The following TTC7B variants were observed in gnomAD, a reference collection of about 807,000 sequenced individuals.
The protein encoded by TTC7B is tetratricopeptide repeat protein 7B.
In TTC7B, 28 loss-of-function variants were observed where a neutral mutation model predicts 106.8. The ratio of observed to expected loss-of-function variants is 0.26; its 90% CI spans 0.19 to 0.36. The LOEUF is 0.36. Ranked by LOEUF, TTC7B falls within the 10% of genes least tolerant of loss-of-function variation. The pLI is 1.00. For missense variants in TTC7B, 862 were observed against 1,076.4 expected, an observed-to-expected ratio of 0.80 and a Z score of 2.79; for synonymous variants, 405 against 430.6, an observed-to-expected ratio of 0.94 and a Z score of 0.74.
rs1886920103 is a variant in TTC7B at position 90,678,307 on chromosome 14, CAATTCTA to C, written c.1015-1654_1015-1648del. The stretch of plus-strand genomic sequence containing the variant: ...TTTGATTTGTAGTTAGAAAACAGCA[CAATTCTA>C]AATGATACCTTGTAGGTGGAGAAGC... On this transcript the variant is annotated intron_variant, in intron 8 of 19. Transcript: ENST00000328459. 1.1e-4 allele frequency among the ~76,000 whole-genome samples: 17 copies of C among 152,282 alleles called. No homozygotes were observed. The South Asian group carries it at 3.5e-3, about 32-fold the overall frequency.
chr14:90,540,116 C>G lies in TTC7B; in HGVS notation c.*1252G>C, dbSNP rs1889522644. On this transcript the variant is annotated 3_prime_UTR_variant, in exon 20 of 20. Coordinates refer to ENST00000328459, the MANE Select transcript of TTC7B (RefSeq NM_001010854.2). ...TGAGGACGCAGGAAACACGTCCCTA[C>G]CTAGGGATCATCTTCAAATTATAAG... 1 of 152,224 alleles carries G rather than the reference C, an allele frequency of 6.6e-6. No homozygotes were observed. Among genetic ancestry groups the G allele is most frequent in the Non-Finnish European group, 1.5e-5 (1 of 68,054 alleles). The allele number at this position is 152,224 out of a possible 1,614,324, so 9.4% of individuals were successfully genotyped here. A position where few individuals can be genotyped will look rare whatever the true frequency, so the allele number is the denominator to read the frequency against.
At chr14:90,691,257 T>C (rs1481472033) in intron 6 of TTC7B, among the ~76,000 whole-genome samples, 1 of 152,202 alleles carries the variant, frequency 6.6e-6, no homozygotes, top group African/African-American at 2.4e-5. Context: ...TGTAAAAATT[T>C]CTGCCCTAAA....
chr14:90,767,443 G>A (rs763748063), intron 3 of TTC7B, among the ~76,000 whole-genome samples: 3 of 152,132 alleles, frequency 2.0e-5, no homozygotes, highest in Non-Finnish European at 4.4e-5. Context: ...CCTAATGAGA[G>A]GTGACCATAC....
At chr14:90,776,263 G>C (rs1390358799) in intron 3 of TTC7B, among the ~76,000 whole-genome samples, 2 of 151,996 alleles carry the variant, frequency 1.3e-5, no homozygotes, top group African/African-American at 4.8e-5. Flanking sequence ...GCCTGCATCA[G>C]GAAAAAGCAG....
chr14:90,751,507 C>T (rs1387978923), intron 3 of TTC7B, among the ~76,000 whole-genome samples: 3 of 152,194 alleles, frequency 2.0e-5, no homozygotes, highest in Non-Finnish European at 2.9e-5. Flanking sequence ...GCAATCCTCC[C>T]GCCTCAGCCT....
intron 9 of TTC7B, among the ~76,000 whole-genome samples, chr14:90,673,945 G>A (rs564551769): frequency 5.3e-5 from 8 of 152,290 alleles, no homozygotes; most frequent in African/African-American, 1.9e-4. Context: ...GTGAGGAATG[G>A]AGAGTGGCTG....
intron 9 of TTC7B, among the ~76,000 whole-genome samples, chr14:90,674,182 A>T (rs183574174): frequency 2.0e-5 from 3 of 152,356 alleles, no homozygotes; most frequent in East Asian, 3.9e-4. Context: ...AAGTGGATTC[A>T]GAAAAACCCC....
intron 3 of TTC7B, among the ~76,000 whole-genome samples, chr14:90,770,499 A>C (rs970209132): frequency 6.6e-6 from 1 of 152,204 alleles, no homozygotes; most frequent in Non-Finnish European, 1.5e-5. Context: ...CCTACTAAAA[A>C]TACAAAATTA....
intron 8 of TTC7B, among the ~76,000 whole-genome samples, chr14:90,678,333 G>C (rs1312203870): frequency 6.6e-6 from 1 of 152,212 alleles, no homozygotes; most frequent in Non-Finnish European, 1.5e-5. Context: ...CTTGTAGGTG[G>C]AGAAGCGACG....
chr14:90,557,666 G>T (rs1362140829), intron 19 of TTC7B, among the ~76,000 whole-genome samples: 3 of 152,244 alleles, frequency 2.0e-5, no homozygotes, highest in African/African-American at 4.8e-5. Context: ...GCTCAAACAA[G>T]ATGGCAGCCC....
intron 3 of TTC7B, among the ~76,000 whole-genome samples, chr14:90,774,608 G>A (rs1429302777): frequency 6.6e-6 from 1 of 152,168 alleles, no homozygotes; most frequent in East Asian, 1.9e-4. Flanking sequence ...GCTGGAGCTG[G>A]GCAGAAGGGA....
chr14:90,583,571 C>T (rs1051868764), intron 18 of TTC7B, among the ~76,000 whole-genome samples: 5 of 152,198 alleles, frequency 3.3e-5, no homozygotes, highest in Admixed American at 6.5e-5. Flanking sequence ...GGGAACTCAA[C>T]GCCATCAGCT....
intron 7 of TTC7B, among the ~76,000 whole-genome samples, chr14:90,687,041 G>A (rs1247261682): frequency 6.7e-6 from 1 of 149,736 alleles, no homozygotes; most frequent in African/African-American, 2.5e-5. Flanking sequence ...ATATGGAAAT[G>A]CAAGGGCTTG....
chr14:90,598,696 A>T (rs1409764630), intron 17 of TTC7B, among the ~76,000 whole-genome samples: 1 of 152,206 alleles, frequency 6.6e-6, no homozygotes, highest in African/African-American at 2.4e-5. Flanking sequence ...GCTAGCTCAT[A>T]TTGCCTTTGC....
intron 3 of TTC7B, among the ~76,000 whole-genome samples, chr14:90,765,333 C>T (rs1890639101): frequency 6.6e-6 from 1 of 152,092 alleles, no homozygotes; most frequent in African/African-American, 2.4e-5. Flanking sequence ...TGGGAAGTGA[C>T]TGCTAATGGG....
rs1253516709 is a variant in TTC7B, at chr14:90,531,527, G to C, written c.*9841C>G. 6.6e-6 allele frequency: 1 copy of C among 151,616 alleles called. No homozygotes were observed. The highest frequency in any genetic ancestry group is 2.4e-5 in the African/African-American group (1 of 41,206). The allele number at this position is 151,616 out of a possible 1,614,324, so 9.4% of individuals were successfully genotyped here. ...CCAGCCACTCGGGAGGCTGAGTCAGGAGAACAGCTTGAACCCAGGAGGCGG... is the reference window on the plus strand; with the variant it reads ...CCAGCCACTCGGGAGGCTGAGTCAGCAGAACAGCTTGAACCCAGGAGGCGG... On this transcript the variant is annotated 3_prime_UTR_variant, in exon 20 of 20. Coordinates refer to ENST00000328459, the MANE Select transcript of TTC7B (RefSeq NM_001010854.2).
intron 19 of TTC7B, among the ~76,000 whole-genome samples, chr14:90,546,950 G>C (rs1036132713): frequency 6.6e-6 from 1 of 152,204 alleles, no homozygotes; most frequent in African/African-American, 2.4e-5. Flanking sequence ...GGTAGCTAGC[G>C]GCAGAGCTGA....
chr14:90,784,550 C>T (rs1245243955), intron 2 of TTC7B, among the ~76,000 whole-genome samples: 1 of 151,182 alleles, frequency 6.6e-6, no homozygotes, highest in African/African-American at 2.4e-5. Flanking sequence ...GAGCCAGACT[C>T]CATCTCGAAA....
rs974555723 is a variant in TTC7B, at chr14:90,759,344, A to T, written c.446-14422T>A. On this transcript the variant is annotated intron_variant, in intron 3 of 19. Coordinates refer to ENST00000328459, the MANE Select transcript of TTC7B (RefSeq NM_001010854.2). This position sits in a 1 kb window ranked among gnomAD's most constrained non-coding sequence, Gnocchi z 4.1. The stretch of plus-strand genomic sequence containing the variant: ...GTTTGGAAACGATGGAAGCCAAGGG[A>T]TGGGTGGTGACGGAACAAGCACCGT... 6.6e-6 allele frequency among the ~76,000 whole-genome samples: 1 copy of T among 152,210 alleles called. No individual in the cohort carries two copies. Among genetic ancestry groups the T allele is most frequent in the African/African-American group, 2.4e-5 (1 of 41,460 alleles).
Sources: allele counts gnomAD v4.1 joint callset (sites outside exome capture counted in the v4.1 genomes callset), GRCh38; gene constraint gnomAD v4.1.1; non-coding constraint Gnocchi (gnomAD v3.1); transcripts MANE v1.5; gene names NCBI Gene and HGNC (gene_info 2026-07-23, HGNC 2026-07-21).